Variants in SPHKAP observed in about 807,000 individuals in gnomAD.
SPHKAP encodes SPHK1 interactor, AKAP domain containing, also known as A-kinase anchor protein SPHKAP.
A neutral mutation model predicts 137.5 loss-of-function variants in SPHKAP; 67 were observed. The ratio of observed to expected loss-of-function variants is 0.49; its 90% CI spans 0.40 to 0.60. The LOEUF (loss-of-function observed/expected upper bound fraction) is 0.60. Ranked by LOEUF, SPHKAP falls within the 20% of genes least tolerant of loss-of-function variation. The probability of loss-of-function intolerance (pLI) is 0.00; values close to 1 mark genes in which losing one functional copy is unlikely to be tolerated. For missense variants in SPHKAP, 2,097 were observed against 2,069.3 expected (o/e 1.01, Z -0.26); for synonymous variants, 813 against 785.3 (o/e 1.04, Z -0.59).
intron 11 of SPHKAP, among the ~76,000 whole-genome samples, chr2:227,985,682 T>A: frequency 6.6e-6 from 1 of 152,252 alleles, no homozygotes; most frequent in East Asian, 1.9e-4. Flanking sequence ...AGAAACTATA[T>A]GATGGTATAT....
At chr2:228,138,916 C>CATTTTATTACAG (rs869061619) in intron 1 of SPHKAP, among the ~76,000 whole-genome samples, 3 of 35,092 alleles carry the variant, frequency 8.5e-5, no homozygotes, top group Non-Finnish European at 1.9e-4. Context: ...AAAAGATGGG[C>CATTTTATTACAG]TTTTTGTCTT....
intron 7 of SPHKAP, 87 bp from the exon 8 acceptor site, chr2:227,995,781 A>G (rs1158621280): frequency 5.0e-6 from 7 of 1,388,202 alleles, no homozygotes; most frequent in Non-Finnish European, 6.6e-6. Context: ...TAGAGTCCCA[A>G]TAAACAGGAT....
intron 2 of SPHKAP, among the ~76,000 whole-genome samples, chr2:228,118,506 C>T (rs749704972): frequency 5.9e-5 from 9 of 151,992 alleles, no homozygotes; most frequent in Non-Finnish European, 1.0e-4. Context: ...TCCAACTTGT[C>T]CCTATCCTTG....
intron 3 of SPHKAP, among the ~76,000 whole-genome samples, chr2:228,099,535 T>C (rs1698116766): frequency 6.6e-6 from 1 of 152,134 alleles, no homozygotes; most frequent in African/African-American, 2.4e-5. Context: ...ATTAATTTTA[T>C]AATAGTTTTT....
intron 3 of SPHKAP, among the ~76,000 whole-genome samples, chr2:228,096,417 CA>C (rs1427680122): frequency 6.6e-6 from 1 of 152,020 alleles, no homozygotes; most frequent in Non-Finnish European, 1.5e-5. Context: ...AGACTGGTTC[CA>C]GAACAAAACC....
intron 5 of SPHKAP, among the ~76,000 whole-genome samples, chr2:228,023,273 A>G (rs960007911): frequency 2.6e-5 from 4 of 152,138 alleles, no homozygotes; most frequent in African/African-American, 9.7e-5. Context: ...TGCATATGTG[A>G]TTAGGTCTAT....
At chr2:228,081,599 G>C (rs1453073158) in intron 3 of SPHKAP, among the ~76,000 whole-genome samples, 1 of 152,128 alleles carries the variant, frequency 6.6e-6, no homozygotes, top group East Asian at 1.9e-4. Context: ...ATACTTAATG[G>C]AATACTACTC....
intron 11 of SPHKAP, among the ~76,000 whole-genome samples, chr2:227,989,850 C>T (rs969952930): frequency 6.6e-6 from 1 of 151,468 alleles, no homozygotes; most frequent in Admixed American, 6.6e-5. Context: ...CTCCTGACCT[C>T]AGGTGATCTG....
chr2:228,134,298 C>T (rs1364312909), intron 1 of SPHKAP, among the ~76,000 whole-genome samples: 1 of 151,958 alleles, frequency 6.6e-6, no homozygotes, highest in African/African-American at 2.4e-5. Context: ...AGGAAGAAAG[C>T]AGGAAAAAGA....
intron 1 of SPHKAP, chr2:228,169,802 G>A (rs1700530542): frequency 6.6e-6 from 1 of 151,986 alleles, no homozygotes; most frequent in Non-Finnish European, 1.5e-5. Flanking sequence ...ATTAGCATGG[G>A]CCCAGCACAG....
At chr2:228,110,339 T>C (rs1698480038) in intron 2 of SPHKAP, among the ~76,000 whole-genome samples, 1 of 151,928 alleles carries the variant, frequency 6.6e-6, no homozygotes, top group Non-Finnish European at 1.5e-5. Flanking sequence ...TAATATAAAA[T>C]ATAATCGCAT....
chr2:228,030,543 CAAA>C (rs1553615001), intron 3 of SPHKAP, among the ~76,000 whole-genome samples: 9 of 78,730 alleles, frequency 1.1e-4, no homozygotes, highest in Admixed American at 6.2e-4. Context: ...CAACAAAAAA[CAAA>C]AAAAAAAAAA....
At chr2:228,054,601 T>C (rs1449245968) in intron 3 of SPHKAP, among the ~76,000 whole-genome samples, 1 of 152,100 alleles carries the variant, frequency 6.6e-6, no homozygotes, top group Non-Finnish European at 1.5e-5. Flanking sequence ...ATTCATAAAA[T>C]ACACACGTTT....
chr2:228,148,179 T>C (rs1328041181), intron 1 of SPHKAP, among the ~76,000 whole-genome samples: 1 of 152,160 alleles, frequency 6.6e-6, no homozygotes, highest in Non-Finnish European at 1.5e-5. Context: ...CATAAGAAGC[T>C]GCCTCTCTGG....
chr2:228,017,818 C>T lies in SPHKAP; in HGVS notation c.3036G>A (p.Glu1012=). ...CCCTGTTCATCAGCTTTTCTTTAAG[C>T]TCAGGGTGCTCGTCCGTCTTCCTCT... ...EIKRKTDEHP[E]LKEKLMNRVV... The change falls in exon 7 of 12, where the codon GAG becomes GAA. Residue 1012 remains glutamate (E), a synonymous_variant. Coordinates refer to ENST00000392056, the MANE Select transcript of SPHKAP (RefSeq NM_001142644.2). 6.2e-7 allele frequency: 1 copy of T among 1,614,136 alleles called. No homozygotes were observed. The highest frequency in any genetic ancestry group is 2.2e-5 in the East Asian group (1 of 44,862).
intron 3 of SPHKAP, among the ~76,000 whole-genome samples, chr2:228,090,286 G>T (rs140371378): frequency 7.7e-4 from 117 of 152,280 alleles, no homozygotes; most frequent in African/African-American, 2.7e-3. Context: ...CTTACATGAG[G>T]CCTATTACCC....
intron 3 of SPHKAP, among the ~76,000 whole-genome samples, chr2:228,081,574 G>T (rs889219350): frequency 1.3e-5 from 2 of 152,122 alleles, no homozygotes; most frequent in Admixed American, 1.3e-4. Flanking sequence ...AATGGATAAA[G>T]AAAATGTGGT....
At chr2:228,062,173 CT>C (rs60143983) in intron 3 of SPHKAP, among the ~76,000 whole-genome samples, 3,366 of 143,210 alleles carry the variant, frequency 0.024, 85 homozygotes, top group African/African-American at 0.065. Flanking sequence ...TTTAATTTTT[CT>C]TTTTTTTTTT....
rs1223962158 is a variant in SPHKAP at position 228,019,840 on chromosome 2, C to T, written c.1014G>A (p.Leu338=). ...AGAAATAAGCATCTTTTGGAATATA[C>T]AGTGCCTGTGATTTTTCCATTTGAC... The part of the protein sequence containing the change: ...FKGQMEKSQA[L]YIPKDAYFSM... The change falls in exon 7 of 12, where the codon CTG becomes CTA. Residue 338 remains leucine, a synonymous_variant. Coordinates refer to ENST00000392056, the MANE Select transcript of SPHKAP (RefSeq NM_001142644.2). 3 of 1,614,190 alleles carry T rather than the reference C, an allele frequency of 1.9e-6. No individual in the cohort carries two copies. Among genetic ancestry groups the T allele is most frequent in the South Asian group, 1.1e-5 (1 of 91,080 alleles).
Sources: gnomAD v4.1 joint callset for allele counts (sites outside exome capture counted in the v4.1 genomes callset) on GRCh38, gnomAD v4.1.1 for gene constraint, MANE v1.5 for transcripts, NCBI Gene and HGNC (gene_info 2026-07-23, HGNC 2026-07-21) for gene names.